FHIT: variants seen among roughly 807,000 people sequenced by gnomAD.
FHIT encodes bis(5'-adenosyl)-triphosphatase.
In FHIT, 19 loss-of-function variants were observed where a neutral mutation model predicts 17.9. The ratio of observed to expected loss-of-function variants is 1.06; its 90% CI spans 0.74 to 1.56. FHIT has a LOEUF of 1.56. FHIT is among the 40% of genes most tolerant of loss of function. FHIT has a pLI of 0.00. For synonymous variants in FHIT, 81 were observed against 69.7 expected, an observed-to-expected ratio of 1.16 and a Z score of -0.81; for missense variants, 248 against 189.2, an observed-to-expected ratio of 1.31 and a Z score of -1.82.
chr3:59,949,872 G>A (rs1228899157), intron 7 of FHIT, among the ~76,000 whole-genome samples: 4 of 152,170 alleles, frequency 2.6e-5, no homozygotes, highest in South Asian at 4.1e-4. Context: ...GTATGACTTT[G>A]CATTAAACAA....
chr3:59,923,587 T>A (rs561113850), intron 7 of FHIT, among the ~76,000 whole-genome samples: 73 of 152,256 alleles, frequency 4.8e-4, no homozygotes, highest in African/African-American at 1.6e-3. Context: ...CTATTGTACC[T>A]CGGCTGAAGT....
intron 4 of FHIT, among the ~76,000 whole-genome samples, chr3:60,537,867 G>T (rs1202467420): frequency 1.3e-5 from 2 of 152,108 alleles, no homozygotes; most frequent in Non-Finnish European, 2.9e-5. Flanking sequence ...TCTAATTCGG[G>T]AACAGCCTAG....
intron 4 of FHIT, chr3:60,553,432 C>T: frequency 1.2e-6 from 1 of 806,564 alleles, no homozygotes; most frequent in Non-Finnish European, 1.5e-6. Context: ...AAAGAGGTCA[C>T]TGCTTTAAAA....
intron 8 of FHIT, among the ~76,000 whole-genome samples, chr3:59,892,369 G>T (rs934756221): frequency 1.3e-5 from 2 of 152,238 alleles, no homozygotes; most frequent in African/African-American, 4.8e-5. Flanking sequence ...AGGGCAGTCA[G>T]TGTGATGAAA....
intron 4 of FHIT, among the ~76,000 whole-genome samples, chr3:60,544,899 C>T (rs908856134): frequency 6.6e-6 from 1 of 152,110 alleles, no homozygotes; most frequent in Non-Finnish European, 1.5e-5. Flanking sequence ...GCTCAGCCAA[C>T]TTATCTAGTT....
At chr3:60,950,452 AAAG>A (rs1267278633) in intron 3 of FHIT, among the ~76,000 whole-genome samples, 3 of 151,948 alleles carry the variant, frequency 2.0e-5, no homozygotes, top group African/African-American at 7.3e-5. Context: ...ATAAAATATT[AAAG>A]AAGAAGGCTG....
chr3:60,577,661 G>C (rs372980661), intron 4 of FHIT, among the ~76,000 whole-genome samples: 1 of 152,108 alleles, frequency 6.6e-6, no homozygotes, highest in Non-Finnish European at 1.5e-5. Flanking sequence ...TCAGTGCTAA[G>C]AGGCTTTCCT....
chr3:61,160,775 C>T lies in FHIT; in HGVS notation c.-164+39842G>A, dbSNP rs1576126422. Among the ~76,000 whole-genome samples, 4 of 152,268 alleles carry T rather than the reference C, an allele frequency of 2.6e-5. No individual in the cohort carries two copies. The Middle Eastern group carries it at 0.01, about 388-fold the overall frequency. ...GAATGGGCTATTTCTCTACATTTCT[C>T]TTTTGCCTTTTATTTTCCCTATGGT... On this transcript the variant is annotated intron_variant, in intron 2 of 9. Coordinates refer to ENST00000492590, the MANE Select transcript of FHIT (RefSeq NM_002012.4).
At chr3:60,955,610 A>ATATATATACATATATATATATATATATG (rs1709092706) in intron 3 of FHIT, among the ~76,000 whole-genome samples, 5 of 13,110 alleles carry the variant, frequency 3.8e-4, no homozygotes, top group South Asian at 3.5e-3. Flanking sequence ...ATATATATAT[A>ATATATATACATATATATATATATATATG]TATATATATA....
chr3:60,206,120 G>A (rs1470567933), intron 5 of FHIT, among the ~76,000 whole-genome samples: 17 of 133,770 alleles, frequency 1.3e-4, no homozygotes, highest in South Asian at 2.4e-4. Context: ...GCGACACAGC[G>A]AGACTCCGTC....
chr3:60,177,253 A>G (rs867672928), intron 5 of FHIT, among the ~76,000 whole-genome samples: 6 of 151,596 alleles, frequency 4.0e-5, no homozygotes, highest in Non-Finnish European at 5.9e-5. Flanking sequence ...GAAATAATAC[A>G]ATAAGCCAAG....
intron 5 of FHIT, among the ~76,000 whole-genome samples, chr3:60,240,608 T>A (rs989826152): frequency 6.6e-6 from 1 of 152,168 alleles, no homozygotes; most frequent in African/African-American, 2.4e-5. Context: ...TTCGTTTTTA[T>A]ACAATTCAAA....
chr3:60,056,453 G>T (rs954722982), intron 5 of FHIT, among the ~76,000 whole-genome samples: 1 of 152,168 alleles, frequency 6.6e-6, no homozygotes, highest in African/African-American at 2.4e-5. Context: ...AGTAAGTTTT[G>T]TAAGAGAAAC....
chr3:60,391,580 A>T (rs9847063), intron 5 of FHIT, among the ~76,000 whole-genome samples: 42,391 of 152,062 alleles, frequency 0.28, 5,963 homozygotes, highest in Middle Eastern at 0.31. Context: ...CTTATACTGT[A>T]TTTTAACTGT....
intron 2 of FHIT, among the ~76,000 whole-genome samples, chr3:61,043,264 C>T (rs1271730162): frequency 6.6e-6 from 1 of 152,222 alleles, no homozygotes; most frequent in Non-Finnish European, 1.5e-5. Flanking sequence ...TAATACAGCA[C>T]TTTTCCAACT....
At chr3:59,773,885 G>A (rs1214320361) in intron 8 of FHIT, among the ~76,000 whole-genome samples, 1 of 152,144 alleles carries the variant, frequency 6.6e-6, no homozygotes, top group African/African-American at 2.4e-5. Context: ...TATTGCAGGT[G>A]TAAAGTACAT....
At position 60,859,092 on chromosome 3, in the gene FHIT, G is replaced by A. The variant is rs1167555494; in HGVS notation, c.-110-37081C>T. On this transcript the variant is annotated intron_variant, in intron 3 of 9. Coordinates refer to ENST00000492590, the MANE Select transcript of FHIT (RefSeq NM_002012.4). The stretch of plus-strand genomic sequence containing the variant: ...AAGTCTAGAACATTCTGCATTTGTG[G>A]TATTTACAGCTTTTGTTTCTATTTC... 2.0e-5 allele frequency among the ~76,000 whole-genome samples: 3 copies of A among 152,236 alleles called. No individual in the cohort carries two copies. The East Asian group carries it at 5.8e-4, about 29-fold the overall frequency.
chr3:60,634,043 C>T (rs1156268419), intron 4 of FHIT, among the ~76,000 whole-genome samples: 1 of 152,234 alleles, frequency 6.6e-6, no homozygotes, highest in East Asian at 1.9e-4. Flanking sequence ...AATCACTGGA[C>T]TTTGAGTAAC....
At chr3:60,305,764 G>A (rs917471355) in intron 5 of FHIT, among the ~76,000 whole-genome samples, 3 of 152,028 alleles carry the variant, frequency 2.0e-5, no homozygotes, top group African/African-American at 7.2e-5. Flanking sequence ...GATTTGTTTT[G>A]GAGGTGTCTG....
Sources: gnomAD v4.1 joint callset for allele counts (sites outside exome capture counted in the v4.1 genomes callset) on GRCh38, gnomAD v4.1.1 for gene constraint, MANE v1.5 for transcripts, NCBI Gene and HGNC (gene_info 2026-07-23, HGNC 2026-07-21) for gene names.